Variants in GPM6A observed in about 807,000 individuals in gnomAD.
GPM6A encodes glycoprotein M6A, also known as neuronal membrane glycoprotein M6-a.
A neutral mutation model predicts 32.1 loss-of-function variants in GPM6A; 7 were observed. The observed-to-expected ratio is 0.22, with a 90% CI of 0.12 to 0.41. The LOEUF is 0.41. Among genes scored for constraint, GPM6A ranks in the 10% least tolerant of loss-of-function variants. The pLI is 1.00. For synonymous variants in GPM6A, 130 were observed against 123.4 expected (o/e 1.05, Z -0.35); for missense variants, 235 against 347.2 (o/e 0.68, Z 2.57).
intron 1 of GPM6A, among the ~76,000 whole-genome samples, chr4:175,840,589 G>T (rs944059059): frequency 6.6e-6 from 1 of 152,112 alleles, no homozygotes; most frequent in Non-Finnish European, 1.5e-5. Flanking sequence ...CAGGAGAATC[G>T]CTTGAACCCA....
intron 1 of GPM6A, chr4:175,971,967 C>T (rs1740516233): frequency 2.0e-5 from 3 of 152,160 alleles, no homozygotes; most frequent in Non-Finnish European, 2.9e-5. Flanking sequence ...ACTGCTGGGG[C>T]ATGCAGCTGA....
At chr4:175,985,395 T>C (rs80160848) in intron 1 of GPM6A, among the ~76,000 whole-genome samples, 2,520 of 152,300 alleles carry the variant, frequency 0.017, 54 homozygotes, top group African/African-American at 0.057. Context: ...GTTGAGATAC[T>C]GAAATGCTCT....
intron 1 of GPM6A, among the ~76,000 whole-genome samples, chr4:175,876,564 C>T (rs926408556): frequency 6.6e-6 from 1 of 152,078 alleles, no homozygotes; most frequent in Non-Finnish European, 1.5e-5. Context: ...GTAACCGCAT[C>T]CTTCCAGTCA....
chr4:175,846,667 C>T (rs778720469), intron 1 of GPM6A, among the ~76,000 whole-genome samples: 1 of 151,856 alleles, frequency 6.6e-6, no homozygotes, highest in African/African-American at 2.4e-5. Context: ...ATGTCTATAC[C>T]GAAGAATAAG....
intron 1 of GPM6A, among the ~76,000 whole-genome samples, chr4:175,927,401 T>A (rs1471220844): frequency 6.6e-6 from 1 of 152,206 alleles, no homozygotes; most frequent in East Asian, 1.9e-4. Flanking sequence ...GATTATGGCA[T>A]TTTTTTAATA....
chr4:175,997,551 G>A (rs1741347133), intron 1 of GPM6A, among the ~76,000 whole-genome samples: 1 of 151,334 alleles, frequency 6.6e-6, no homozygotes, highest in Non-Finnish European at 1.5e-5. Context: ...AAACAAATGA[G>A]GAAACAGGAT....
intron 1 of GPM6A, among the ~76,000 whole-genome samples, chr4:175,764,831 G>C (rs1027916612): frequency 1.4e-5 from 2 of 148,096 alleles, no homozygotes; most frequent in African/African-American, 2.5e-5. Context: ...CCATTCTAGT[G>C]ACTCAACCCA....
At chr4:175,716,946 T>C (rs1172820119) in intron 1 of GPM6A, among the ~76,000 whole-genome samples, 1 of 152,224 alleles carries the variant, frequency 6.6e-6, no homozygotes, top group African/African-American at 2.4e-5. Flanking sequence ...TTTTATCTTA[T>C]CTCACACAAC....
chr4:175,778,016 T>C (rs1733461544), intron 1 of GPM6A, among the ~76,000 whole-genome samples: 1 of 152,210 alleles, frequency 6.6e-6, no homozygotes, highest in African/African-American at 2.4e-5. Flanking sequence ...TTATCACTCA[T>C]TTATTTCACA....
chr4:175,857,653 CA>C (rs1457822103), intron 1 of GPM6A, among the ~76,000 whole-genome samples: 1 of 151,834 alleles, frequency 6.6e-6, no homozygotes, highest in Non-Finnish European at 1.5e-5. Flanking sequence ...TGAGGGAATG[CA>C]ATATCCATTG....
chr4:175,786,818 C>T (rs1438031122), intron 1 of GPM6A: 1 of 153,512 alleles, frequency 6.5e-6, no homozygotes, highest in African/African-American at 2.4e-5. Flanking sequence ...AATTTCACCA[C>T]AATTCTTTCT....
At chr4:175,788,307 A>G (rs1733880604) in intron 1 of GPM6A, among the ~76,000 whole-genome samples, 2 of 152,206 alleles carry the variant, frequency 1.3e-5, no homozygotes, top group Non-Finnish European at 1.5e-5. Context: ...CTGATATGTC[A>G]AGAAAAACAA....
At chr4:175,822,509 A>G (rs970190866) in intron 1 of GPM6A, among the ~76,000 whole-genome samples, 8 of 152,226 alleles carry the variant, frequency 5.3e-5, no homozygotes, top group Admixed American at 4.6e-4. Flanking sequence ...ATATAACAAC[A>G]GTATAAATAG....
intron 1 of GPM6A, among the ~76,000 whole-genome samples, chr4:175,998,707 CAT>C (rs1301909244): frequency 6.6e-6 from 1 of 152,110 alleles, no homozygotes; most frequent in Non-Finnish European, 1.5e-5. Flanking sequence ...CTGGCTTAGA[CAT>C]GTATCATATT....
At chr4:175,671,712 C>A (rs564757013) in intron 3 of GPM6A, among the ~76,000 whole-genome samples, 10 of 152,228 alleles carry the variant, frequency 6.6e-5, no homozygotes, top group Admixed American at 5.9e-4. Context: ...GTGGAGCTAG[C>A]CCCCTTCGTG....
At chr4:175,647,340 C>T (rs552252226) in intron 4 of GPM6A, among the ~76,000 whole-genome samples, 3 of 152,310 alleles carry the variant, frequency 2.0e-5, no homozygotes, top group South Asian at 2.1e-4. Context: ...ACATCTAATA[C>T]ATCCAATGTA....
chr4:175,678,498 C>T (rs938569781), intron 2 of GPM6A, among the ~76,000 whole-genome samples: 19 of 152,154 alleles, frequency 1.2e-4, no homozygotes, highest in African/African-American at 4.6e-4. Context: ...ATCTAGAGAT[C>T]CTGTGACAAT....
intron 1 of GPM6A, chr4:175,801,056 C>T (rs1472317273): frequency 6.4e-6 from 1 of 157,274 alleles, no homozygotes; most frequent in Non-Finnish European, 1.4e-5. Flanking sequence ...ACTCAAGAAA[C>T]CTAAGAAATG....
chr4:175,688,909 G>A (rs981787595), intron 2 of GPM6A, among the ~76,000 whole-genome samples: 1 of 152,068 alleles, frequency 6.6e-6, no homozygotes, highest in African/African-American at 2.4e-5. Context: ...CTGAAGTGTA[G>A]CGGTGCAATC....
Sources: allele counts gnomAD v4.1 joint callset (sites outside exome capture counted in the v4.1 genomes callset), GRCh38; gene constraint gnomAD v4.1.1; transcripts MANE v1.5; gene names NCBI Gene and HGNC (gene_info 2026-07-23, HGNC 2026-07-21).